The following ADGRV1 variants were observed in gnomAD, a reference collection of about 807,000 sequenced individuals.
ADGRV1 encodes G-protein coupled receptor 98.
A neutral mutation model predicts 596.2 loss-of-function variants in ADGRV1; 359 were observed. That is an observed-to-expected ratio of 0.60 (90% confidence interval 0.55 to 0.66). ADGRV1 has a LOEUF of 0.66. Among genes scored for constraint, ADGRV1 ranks in the 30% least tolerant of loss-of-function variants. The pLI, the probability that ADGRV1 is intolerant of heterozygous loss-of-function variation, is 0.00. For synonymous variants in ADGRV1, 2,681 were observed against 2,679.2 expected (o/e 1.00, Z -0.02); for missense variants, 7,274 against 7,575.6 (o/e 0.96, Z 1.48).
chr5:90,987,087 C>T (rs1433867402), intron 85 of ADGRV1, among the ~76,000 whole-genome samples: 2 of 152,148 alleles, frequency 1.3e-5, no homozygotes, highest in African/African-American at 2.4e-5. Context: ...AAAGTATTTG[C>T]CTTCTTAAGC....
intron 87 of ADGRV1, among the ~76,000 whole-genome samples, chr5:91,134,170 G>C (rs1794440226): frequency 1.3e-5 from 2 of 151,906 alleles, no homozygotes; most frequent in Admixed American, 6.6e-5. Context: ...TGTTTTAAAG[G>C]AATGACCTGC....
chr5:90,877,192 A>G (rs2150524200), intron 83 of ADGRV1, among the ~76,000 whole-genome samples: 1 of 152,338 alleles, frequency 6.6e-6, no homozygotes, highest in South Asian at 2.1e-4. Flanking sequence ...TAGTAAAGGC[A>G]GAGGAATGGG....
chr5:91,115,845 G>A (rs1186706951), intron 87 of ADGRV1, among the ~76,000 whole-genome samples: 3 of 152,152 alleles, frequency 2.0e-5, no homozygotes, highest in Non-Finnish European at 4.4e-5. Context: ...TACTTGGGAG[G>A]CTGAGGCAGA....
intron 83 of ADGRV1, among the ~76,000 whole-genome samples, chr5:90,926,375 C>A (rs964290656): frequency 6.7e-6 from 1 of 149,636 alleles, no homozygotes; most frequent in Non-Finnish European, 1.5e-5. Context: ...GTGTATGTGT[C>A]GAGGAATTTA....
intron 1 of ADGRV1, among the ~76,000 whole-genome samples, chr5:90,605,201 G>A (rs148936879): frequency 0.012 from 1,893 of 152,232 alleles, 38 homozygotes; most frequent in African/African-American, 0.043. Context: ...CGGATCATGA[G>A]GTCAAGAGAT....
intron 83 of ADGRV1, among the ~76,000 whole-genome samples, chr5:90,931,730 A>G (rs1233570881): frequency 6.6e-6 from 1 of 152,192 alleles, no homozygotes; most frequent in African/African-American, 2.4e-5. Context: ...GTTAATTCCT[A>G]CTTGTTAGTC....
intron 75 of ADGRV1, among the ~76,000 whole-genome samples, chr5:90,822,406 G>A (rs1363458733): frequency 1.3e-5 from 2 of 152,146 alleles, no homozygotes; most frequent in Non-Finnish European, 2.9e-5. Context: ...GCTGTAGACC[G>A]GAGCTGTTCC....
intron 18 of ADGRV1, 121 bp downstream of exon 18, chr5:90,651,851 T>A: frequency 1.6e-6 from 1 of 630,004 alleles, no homozygotes. Context: ...ATTTCAAAGT[T>A]GGCAGTCTGA....
chr5:90,673,310 C>A (rs1393484463), intron 22 of ADGRV1, among the ~76,000 whole-genome samples: 1 of 152,248 alleles, frequency 6.6e-6, no homozygotes, highest in East Asian at 1.9e-4. Context: ...ATAGAACATG[C>A]AGTTTCTTAA....
At chr5:91,071,836 A>G (rs1788417198) in intron 85 of ADGRV1, among the ~76,000 whole-genome samples, 1 of 151,766 alleles carries the variant, frequency 6.6e-6, no homozygotes. Flanking sequence ...CACCACACTC[A>G]GCTAATTTTT....
chr5:90,952,209 T>G (rs1777117424), intron 83 of ADGRV1, among the ~76,000 whole-genome samples: 1 of 152,198 alleles, frequency 6.6e-6, no homozygotes, highest in Non-Finnish European at 1.5e-5. Context: ...TATGACCTGC[T>G]GCTACCACCT....
Position 90,653,390 on chromosome 5 carries a change from G to A in ADGRV1, c.3816G>A (p.Leu1272=), listed in dbSNP as rs202004141. 5.6e-6 allele frequency: 9 copies of A among 1,613,934 alleles called. No homozygotes were observed. The highest frequency in any genetic ancestry group is 3.3e-4 in the Middle Eastern group (2 of 6,062). Reference sequence around the variant, plus strand: ...CTTATATTACCAACTTCACCATTTTGAGGCAGCAGGGTGTGTTTGGTGATG... The same window carrying A: ...CTTATATTACCAACTTCACCATTTTAAGGCAGCAGGGTGTGTTTGGTGATG... ...DMSYITNFTI[L]RQQGVFGDVQ... The change falls in exon 20 of 90, where the codon TTG becomes TTA. Residue 1272 remains leucine (L), a synonymous_variant. Coordinates refer to ENST00000405460, the MANE Select transcript of ADGRV1 (RefSeq NM_032119.4).
intron 84 of ADGRV1, among the ~76,000 whole-genome samples, chr5:90,969,274 T>C (rs1336333524): frequency 6.6e-6 from 1 of 152,260 alleles, no homozygotes; most frequent in Non-Finnish European, 1.5e-5. Flanking sequence ...TTTACCCATA[T>C]TATTTGTTAA....
At chr5:91,120,022 G>C (rs533382910) in intron 87 of ADGRV1, among the ~76,000 whole-genome samples, 2 of 152,276 alleles carry the variant, frequency 1.3e-5, no homozygotes, top group South Asian at 4.1e-4. Context: ...GGTGAGACTA[G>C]TAAGAACAAA....
intron 1 of ADGRV1, among the ~76,000 whole-genome samples, chr5:90,563,980 C>T (rs913133911): frequency 6.6e-6 from 1 of 152,190 alleles, no homozygotes; most frequent in African/African-American, 2.4e-5. Context: ...ACCAGCAATT[C>T]AGTGTAGCTC....
At chr5:90,595,079 C>T (rs1462179218) in intron 1 of ADGRV1, among the ~76,000 whole-genome samples, 3 of 134,164 alleles carry the variant, frequency 2.2e-5, no homozygotes, top group Non-Finnish European at 4.8e-5. Context: ...AGGCGCCCCT[C>T]ACCTCCCGGA....
chr5:90,897,318 G>A (rs1358881783), intron 83 of ADGRV1, among the ~76,000 whole-genome samples: 1 of 152,126 alleles, frequency 6.6e-6, no homozygotes, highest in East Asian at 1.9e-4. Context: ...ATTCAACATT[G>A]AATTCAACAG....
intron 50 of ADGRV1, among the ~76,000 whole-genome samples, chr5:90,742,615 ATG>A (rs141934443): frequency 6.6e-6 from 1 of 151,934 alleles, no homozygotes; most frequent in African/African-American, 2.4e-5. Flanking sequence ...AAGAGAGAGC[ATG>A]TGTGTGTGTG....
chr5:90,774,727 C>T (rs957405655), intron 60 of ADGRV1, among the ~76,000 whole-genome samples: 2 of 152,098 alleles, frequency 1.3e-5, no homozygotes, highest in African/African-American at 4.8e-5. Context: ...GGATAATTGT[C>T]ACGTTAAGAA....
Sources: allele counts gnomAD v4.1 joint callset (sites outside exome capture counted in the v4.1 genomes callset), GRCh38; gene constraint gnomAD v4.1.1; transcripts MANE v1.5; gene names NCBI Gene and HGNC (gene_info 2026-07-23, HGNC 2026-07-21).